CDC42BPB: variants seen among roughly 807,000 people sequenced by gnomAD.
CDC42BPB encodes serine/threonine-protein kinase MRCK beta.
Under a neutral mutation model 214.9 loss-of-function variants are expected in CDC42BPB, and 37 were observed. That is an observed-to-expected ratio of 0.17 (90% CI 0.13 to 0.23). The LOEUF (loss-of-function observed/expected upper bound fraction) is 0.23. Ranked by LOEUF, CDC42BPB falls within the 10% of genes least tolerant of loss-of-function variation. The pLI is 1.00. For synonymous variants in CDC42BPB, 931 were observed against 884.0 expected, an observed-to-expected ratio of 1.05 and a Z score of -0.94; for missense variants, 1,694 against 2,227.0, an observed-to-expected ratio of 0.76 and a Z score of 4.82.
chr14:103,056,914 G>T (rs1443899794), intron 1 of CDC42BPB, 85 bp downstream of exon 1: 1 of 998,534 alleles, frequency 1.0e-6, no homozygotes, highest in Non-Finnish European at 1.4e-6. Context: ...GTCTGTCCGG[G>T]CGGGGATGGG....
chr14:102,984,860 G>A (rs1177451723), intron 6 of CDC42BPB, among the ~76,000 whole-genome samples: 1 of 152,216 alleles, frequency 6.6e-6, no homozygotes, highest in Non-Finnish European at 1.5e-5. Context: ...GAATGGATCA[G>A]CAGAGAACTC....
At chr14:103,035,034 A>G (rs1366710371) in intron 1 of CDC42BPB, among the ~76,000 whole-genome samples, 3 of 151,830 alleles carry the variant, frequency 2.0e-5, no homozygotes, top group Non-Finnish European at 4.4e-5. Flanking sequence ...ACCATTCAAT[A>G]GGGGCAACTA....
chr14:102,969,303 G>A (rs1893365985), intron 14 of CDC42BPB, among the ~76,000 whole-genome samples: 1 of 152,182 alleles, frequency 6.6e-6, no homozygotes, highest in African/African-American at 2.4e-5. Context: ...GCAAGGAGGG[G>A]CAGGAGAGGC....
intron 23 of CDC42BPB, among the ~76,000 whole-genome samples, chr14:102,953,119 G>A (rs1892562976): frequency 1.3e-5 from 2 of 152,264 alleles, no homozygotes; most frequent in Admixed American, 1.3e-4. Flanking sequence ...AACTGCAGCA[G>A]CCCCAAGGCT....
chr14:102,995,722 G>A (rs1345488413), intron 5 of CDC42BPB, among the ~76,000 whole-genome samples: 2 of 152,224 alleles, frequency 1.3e-5, no homozygotes, highest in Non-Finnish European at 2.9e-5. Flanking sequence ...CCAGGAAGGG[G>A]CCCAAGCGGC....
intron 23 of CDC42BPB, 120 bp from the exon 24 acceptor site, chr14:102,952,723 A>G: frequency 6.8e-7 from 1 of 1,479,470 alleles, no homozygotes; most frequent in South Asian, 1.4e-5. Context: ...GGAAATGTGC[A>G]AGTTCTGGTC....
chr14:103,027,383 C>T (rs1412849928), intron 1 of CDC42BPB, among the ~76,000 whole-genome samples: 5 of 152,070 alleles, frequency 3.3e-5, no homozygotes, highest in African/African-American at 1.2e-4. Flanking sequence ...TACTAAGAAC[C>T]AGGTTTTAAA....
chr14:102,966,943 C>T (rs754499921), intron 17 of CDC42BPB, 103 bp downstream of exon 17: 8 of 1,362,216 alleles, frequency 5.9e-6, no homozygotes, highest in Non-Finnish European at 8.1e-6. Context: ...GCCTGAGAGG[C>T]ACGGCCTGGC....
At chr14:103,010,875 C>CA (rs1886118081) in intron 2 of CDC42BPB, among the ~76,000 whole-genome samples, 1 of 152,128 alleles carries the variant, frequency 6.6e-6, no homozygotes, top group Non-Finnish European at 1.5e-5. Flanking sequence ...ACTAAAAATA[C>CA]AAAAAATTAG....
chr14:102,934,918 G>A lies in CDC42BPB; in HGVS notation c.5005-1075C>T, dbSNP rs183277097. 1.3e-3 allele frequency among the ~76,000 whole-genome samples: 201 copies of A among 151,416 alleles called. 2 individuals carry two copies. The highest frequency in any genetic ancestry group is 4.6e-3 in the African/African-American group (191 of 41,186). On this transcript the variant is annotated intron_variant, in intron 36 of 36. Transcript: ENST00000361246. ...CCAGCTACTCGGGAGGCTGAGGCAG[G>A]AGAATGGCGTGAACCCAGGAGGCGG...
intron 5 of CDC42BPB, among the ~76,000 whole-genome samples, chr14:102,992,339 G>A (rs1005578058): frequency 2.4e-4 from 36 of 152,200 alleles, no homozygotes; most frequent in Non-Finnish European, 5.1e-4. Context: ...AGATAACAGT[G>A]ATTTAAAGGA....
At chr14:102,974,434 C>T (rs760159419) in intron 11 of CDC42BPB, 7 of 884,524 alleles carry the variant, frequency 7.9e-6, no homozygotes, top group African/African-American at 5.5e-5. Context: ...CGCACACACT[C>T]GTCTGCTCAG....
chr14:103,032,583 A>G (rs1887448070), intron 1 of CDC42BPB, among the ~76,000 whole-genome samples: 1 of 151,094 alleles, frequency 6.6e-6, no homozygotes, highest in Non-Finnish European at 1.5e-5. Context: ...TACAGATTAA[A>G]AGAGATTAAG....
chr14:103,044,975 G>A (rs1888210437), intron 1 of CDC42BPB, among the ~76,000 whole-genome samples: 1 of 151,320 alleles, frequency 6.6e-6, no homozygotes, highest in African/African-American at 2.4e-5. Context: ...CGAGGCAAGA[G>A]GATCCCTTGA....
At position 102,978,211 on chromosome 14, in the gene CDC42BPB, T is replaced by TG; in HGVS notation, c.1141-7_1141-6insC. On this transcript the variant is annotated splice_region_variant and splice_polypyrimidine_tract_variant and intron_variant, in intron 8 of 36. Transcript: ENST00000361246. The stretch of plus-strand genomic sequence containing the variant: ...GAACCAGGAGGTAATATTTCCTGCA[T>TG]AAGAACATATACAACACAAATGAAA... 2 of 1,610,726 alleles carry TG rather than the reference T, an allele frequency of 1.2e-6. No homozygotes were observed. Among genetic ancestry groups the TG allele is most frequent in the Non-Finnish European group, 1.7e-6 (2 of 1,176,968 alleles).
chr14:102,953,091 C>T (rs1892561064), intron 23 of CDC42BPB, among the ~76,000 whole-genome samples: 1 of 152,246 alleles, frequency 6.6e-6, no homozygotes, highest in Admixed American at 6.5e-5. Context: ...GGAGTGGACA[C>T]ATTGTGAACC....
At chr14:102,972,397 GC>G in intron 12 of CDC42BPB, 2 of 914,294 alleles carry the variant, frequency 2.2e-6, no homozygotes, top group Non-Finnish European at 2.6e-6. Context: ...ACCAAGAAAG[GC>G]CCCACAGGCC....
At chr14:102,938,563 A>G in intron 34 of CDC42BPB, 152 bp from the exon 35 acceptor site, 1 of 1,397,914 alleles carries the variant, frequency 7.2e-7, no homozygotes, top group Non-Finnish European at 9.2e-7. Flanking sequence ...AGGGTTCTGG[A>G]CAGTCTGGAA....
intron 1 of CDC42BPB, among the ~76,000 whole-genome samples, chr14:103,053,132 G>A (rs1171614952): frequency 6.6e-6 from 1 of 151,476 alleles, no homozygotes; most frequent in East Asian, 1.9e-4. Flanking sequence ...GGTGGATCAC[G>A]AGGTCAGGAC....
Sources: gnomAD v4.1 joint callset for allele counts (sites outside exome capture counted in the v4.1 genomes callset) on GRCh38, gnomAD v4.1.1 for gene constraint, MANE v1.5 for transcripts, NCBI Gene and HGNC (gene_info 2026-07-23, HGNC 2026-07-21) for gene names.